The following RNF169 variants were observed in gnomAD, a reference collection of about 807,000 sequenced individuals.
RNF169 encodes E3 ubiquitin-protein ligase RNF169.
RNF169 carries 24 observed loss-of-function variants against 53.9 expected under a neutral mutation model. The ratio of observed to expected loss-of-function variants is 0.45; its 90% CI spans 0.32 to 0.63. The LOEUF is 0.63. Ranked by LOEUF, RNF169 falls within the 20% of genes least tolerant of loss-of-function variation. RNF169 has a pLI of 0.04. For synonymous variants in RNF169, 396 were observed against 363.5 expected, an observed-to-expected ratio of 1.09 and a Z score of -1.02; for missense variants, 883 against 906.2, an observed-to-expected ratio of 0.97 and a Z score of 0.33.
rs1422620882 is a variant in RNF169 at position 74,840,001 on chromosome 11, T to C, written c.*3271T>C. On this transcript the variant is annotated 3_prime_UTR_variant, in exon 6 of 6. Coordinates refer to ENST00000299563, the MANE Select transcript of RNF169 (RefSeq NM_001098638.2). The stretch of plus-strand genomic sequence containing the variant: ...GAAGCAGCACTGGTAATAAATGTTT[T>C]ATTTTTTGTTCATTTTCCCTAAAGG... The C allele has an allele frequency of 6.6e-6, 1 of 152,230 alleles. No individual in the cohort carries two copies. The highest frequency in any genetic ancestry group is 1.5e-5 in the Non-Finnish European group (1 of 68,036). The allele number at this position is 152,230 out of a possible 1,614,324, so 9.4% of individuals were successfully genotyped here.
intron 4 of RNF169, among the ~76,000 whole-genome samples, chr11:74,833,415 C>T (rs1713713727): frequency 6.6e-6 from 1 of 152,182 alleles, no homozygotes; most frequent in South Asian, 2.1e-4. Flanking sequence ...AACTATGTGT[C>T]CACCTTGACT....
chr11:74,805,863 T>G (rs2035796158), intron 2 of RNF169, among the ~76,000 whole-genome samples: 1 of 152,092 alleles, frequency 6.6e-6, no homozygotes, highest in Admixed American at 6.5e-5. Context: ...GGCCGACTTT[T>G]TATTTAGGCA....
intron 2 of RNF169, among the ~76,000 whole-genome samples, chr11:74,801,894 A>C (rs1275448188): frequency 6.6e-6 from 1 of 152,206 alleles, no homozygotes; most frequent in Non-Finnish European, 1.5e-5. Context: ...CCCCCCTTAG[A>C]ATGTAGGGTC....
rs1255033105 is a variant in RNF169 at position 74,840,550 on chromosome 11, C to G, written c.*3820C>G. On this transcript the variant is annotated 3_prime_UTR_variant, in exon 6 of 6. Transcript: ENST00000299563. ...GTGGGTTGTGGATCACTGACATGGT[C>G]AGGGGAGGCCCACACCTCAATTCAG... 1 of 152,186 alleles carries G rather than the reference C, an allele frequency of 6.6e-6. No individual in the cohort carries two copies. Among genetic ancestry groups the G allele is most frequent in the Non-Finnish European group, 1.5e-5 (1 of 68,034 alleles). The allele number at this position is 152,186 out of a possible 1,614,324, so 9.4% of individuals were successfully genotyped here.
chr11:74,815,828 T>A (rs1350588515), intron 3 of RNF169, among the ~76,000 whole-genome samples: 1 of 152,166 alleles, frequency 6.6e-6, no homozygotes, highest in Non-Finnish European at 1.5e-5. Context: ...TGAACACTTT[T>A]TACTTGGTAC....
chr11:74,832,705 C>T (rs754623060), intron 4 of RNF169, among the ~76,000 whole-genome samples: 1 of 151,978 alleles, frequency 6.6e-6, no homozygotes, highest in Non-Finnish European at 1.5e-5. Flanking sequence ...CTTGTTTTGC[C>T]GATGGAATCA....
intron 1 of RNF169, among the ~76,000 whole-genome samples, chr11:74,771,804 A>G (rs2035264494): frequency 6.6e-6 from 1 of 151,946 alleles, no homozygotes; most frequent in Admixed American, 6.6e-5. Flanking sequence ...TATGATCCCA[A>G]TACTTTGGGA....
Position 74,835,818 on chromosome 11 carries a change from C to G in RNF169, c.1215C>G (p.Leu405=), listed in dbSNP as rs1438523224. ...CTGATGGCCGTGTGCTAAGTCCTCT[C>G]ATCATCAAATCAACTCCACGCAACC... is the stretch of plus-strand genomic sequence containing the variant. ...RLPDGRVLSP[L]IIKSTPRNLN... Residue 405 remains leucine (L), a synonymous_variant, in exon 6 of 6, where the codon CTC becomes CTG. Transcript: ENST00000299563. The G allele has an allele frequency of 1.2e-6, 2 of 1,614,232 alleles. No individual in the cohort carries two copies. The highest frequency in any genetic ancestry group is 1.7e-5 in the Admixed American group (1 of 60,028).
chr11:74,791,357 G>A (rs1401980731), intron 2 of RNF169, among the ~76,000 whole-genome samples: 1 of 144,318 alleles, frequency 6.9e-6, no homozygotes, highest in African/African-American at 2.6e-5. Context: ...CTGGCTTCAG[G>A]TCATCCCCAG....
At chr11:74,813,344 T>C (rs2035899940) in intron 3 of RNF169, among the ~76,000 whole-genome samples, 1 of 152,248 alleles carries the variant, frequency 6.6e-6, no homozygotes, top group Non-Finnish European at 1.5e-5. Flanking sequence ...AGGAGCTTAC[T>C]CTAGAAGCAG....
intron 1 of RNF169, among the ~76,000 whole-genome samples, chr11:74,758,799 C>T (rs1328741790): frequency 6.6e-5 from 10 of 152,216 alleles, no homozygotes; most frequent in South Asian, 6.2e-4. Flanking sequence ...CCACCGCGCC[C>T]GGCCGTCCAT....
chr11:74,753,468 T>C (rs568595610), intron 1 of RNF169, among the ~76,000 whole-genome samples: 2 of 152,342 alleles, frequency 1.3e-5, no homozygotes, highest in East Asian at 3.9e-4. Flanking sequence ...ATTTACATTG[T>C]GCTTTTATGA....
intron 1 of RNF169, among the ~76,000 whole-genome samples, chr11:74,789,330 A>T (rs974065515): frequency 1.3e-5 from 2 of 152,166 alleles, no homozygotes; most frequent in African/African-American, 4.8e-5. Context: ...TTTTGGGGAG[A>T]CTATTTTCTA....
chr11:74,752,728 G>C (rs954563908), intron 1 of RNF169, among the ~76,000 whole-genome samples: 1 of 151,736 alleles, frequency 6.6e-6, no homozygotes, highest in Middle Eastern at 3.4e-3. Flanking sequence ...TCTGTAACTT[G>C]CTTTTTTTTT....
At chr11:74,758,514 T>G (rs2035022015) in intron 1 of RNF169, among the ~76,000 whole-genome samples, 1 of 151,954 alleles carries the variant, frequency 6.6e-6, no homozygotes, top group Non-Finnish European at 1.5e-5. Flanking sequence ...ACTTTTTTTT[T>G]TTTTTGAGAC....
chr11:74,757,560 G>C (rs1369926564), intron 1 of RNF169, among the ~76,000 whole-genome samples: 1 of 115,258 alleles, frequency 8.7e-6, no homozygotes, highest in African/African-American at 3.4e-5. Context: ...CTAGATCCCT[G>C]AGGAATCGCC....
chr11:74,780,371 C>T (rs1368607869), intron 1 of RNF169, among the ~76,000 whole-genome samples: 1 of 152,242 alleles, frequency 6.6e-6, no homozygotes, highest in African/African-American at 2.4e-5. Context: ...ACTGCCCACA[C>T]ACCCTATTCC....
intron 1 of RNF169, among the ~76,000 whole-genome samples, chr11:74,773,605 G>A (rs1040636513): frequency 1.3e-5 from 2 of 152,144 alleles, no homozygotes; most frequent in African/African-American, 4.8e-5. Context: ...TTTTTCTGAT[G>A]AGGTCAGAAG....
chr11:74,774,345 C>CA (rs35058879), intron 1 of RNF169, among the ~76,000 whole-genome samples: 33,495 of 125,282 alleles, frequency 0.27, 3,897 homozygotes, highest in South Asian at 0.45. Context: ...GACCCTGTTT[C>CA]AAAAAAAAAA....
Sources: allele counts gnomAD v4.1 joint callset (sites outside exome capture counted in the v4.1 genomes callset), GRCh38; gene constraint gnomAD v4.1.1; transcripts MANE v1.5; gene names NCBI Gene and HGNC (gene_info 2026-07-23, HGNC 2026-07-21).